The following TEX36 variants were observed in gnomAD, a reference collection of about 807,000 sequenced individuals.
TEX36 encodes the protein testis expressed 36.
Under a neutral mutation model 13.6 loss-of-function variants are expected in TEX36, and 12 were observed. The ratio of observed to expected loss-of-function variants is 0.88; its 90% CI spans 0.56 to 1.43. TEX36 has a LOEUF of 1.43. Among genes scored for constraint, TEX36 ranks in the 40% most tolerant of loss-of-function variants. TEX36 has a pLI of 0.00. For synonymous variants in TEX36, 93 were observed against 83.0 expected (o/e 1.12, Z -0.65); for missense variants, 224 against 228.3 (o/e 0.98, Z 0.12).
intron 3 of TEX36, among the ~76,000 whole-genome samples, chr10:125,584,406 C>T (rs548500793): frequency 1.5e-4 from 23 of 152,334 alleles, no homozygotes; most frequent in Non-Finnish European, 2.6e-4. Context: ...AAATAATCCT[C>T]GTAATCCTAC....
At chr10:125,679,028 A>G (rs1345552754) in intron 1 of TEX36, among the ~76,000 whole-genome samples, 1 of 151,876 alleles carries the variant, frequency 6.6e-6, no homozygotes, top group African/African-American at 2.4e-5. Context: ...GGGCTGGTGC[A>G]TGGGGAACAC....
intron 3 of TEX36, among the ~76,000 whole-genome samples, chr10:125,587,514 C>T (rs373862944): frequency 6.6e-6 from 1 of 152,066 alleles, no homozygotes; most frequent in South Asian, 2.1e-4. Flanking sequence ...ACAGGCCAGA[C>T]CAGTGGCTCA....
chr10:125,652,287 A>T (rs1846873432), downstream of TEX36, among the ~76,000 whole-genome samples: 1 of 152,202 alleles, frequency 6.6e-6, no homozygotes, highest in Admixed American at 6.5e-5. Flanking sequence ...ACCAAAACAG[A>T]GATATAGACC....
chr10:125,625,574 A>G (rs546135416), intron 3 of TEX36, among the ~76,000 whole-genome samples: 58 of 152,388 alleles, frequency 3.8e-4, no homozygotes, highest in African/African-American at 1.3e-3. Flanking sequence ...TAAGAGGCAG[A>G]CTGGAAGGTG....
intron 1 of TEX36, among the ~76,000 whole-genome samples, chr10:125,663,884 T>A (rs1847084503): frequency 6.6e-6 from 1 of 152,208 alleles, no homozygotes; most frequent in East Asian, 1.9e-4. Flanking sequence ...TAGTTTAAAA[T>A]GTACAATAGA....
At chr10:125,624,855 C>T (rs1432957771) in intron 3 of TEX36, among the ~76,000 whole-genome samples, 2 of 152,002 alleles carry the variant, frequency 1.3e-5, no homozygotes, top group Non-Finnish European at 2.9e-5. Flanking sequence ...CACCTAAGAA[C>T]AAGCCATCTT....
At chr10:125,582,930 C>T (rs906071998) in intron 3 of TEX36, among the ~76,000 whole-genome samples, 26 of 152,042 alleles carry the variant, frequency 1.7e-4, no homozygotes, top group African/African-American at 6.0e-4. Flanking sequence ...AGTTGTATTC[C>T]ATGGAGATCT....
chr10:125,667,975 T>C, intron 1 of TEX36: 1 of 838,888 alleles, frequency 1.2e-6, no homozygotes, highest in Non-Finnish European at 2.1e-6. Flanking sequence ...CAAGTTCCAG[T>C]GCTTCAAAGG....
chr10:125,628,752 A>AT (rs1846517771), intron 3 of TEX36, among the ~76,000 whole-genome samples: 1 of 152,182 alleles, frequency 6.6e-6, no homozygotes, highest in East Asian at 1.9e-4. Flanking sequence ...AAGCTGGGGG[A>AT]TAAAAAGTAA....
intron 3 of TEX36, among the ~76,000 whole-genome samples, chr10:125,610,892 C>A (rs1014545097): frequency 6.6e-6 from 1 of 152,078 alleles, no homozygotes; most frequent in African/African-American, 2.4e-5. Context: ...AATCAATTAT[C>A]CCAGTGTGGT....
intron 3 of TEX36, among the ~76,000 whole-genome samples, chr10:125,580,211 AG>A (rs1298325379): frequency 3.9e-5 from 6 of 152,234 alleles, no homozygotes; most frequent in African/African-American, 1.4e-4. Flanking sequence ...AAACCATGAA[AG>A]GATCCCTTTA....
chr10:125,669,260 C>T (rs1453302222), intron 1 of TEX36, among the ~76,000 whole-genome samples: 1 of 151,910 alleles, frequency 6.6e-6, no homozygotes, highest in African/African-American at 2.4e-5. Flanking sequence ...CACTGCCCTC[C>T]AGCCTGGAAA....
chr10:125,576,811 C>T (rs1266062607), exon 4 of TEX36: 1 of 1,536,018 alleles, frequency 6.5e-7, no homozygotes, highest in Non-Finnish European at 8.7e-7. Flanking sequence ...TGGGTCCTCA[C>T]CGGCTCATAG....
At chr10:125,612,029 A>C (rs1846295671) in intron 3 of TEX36, among the ~76,000 whole-genome samples, 1 of 151,016 alleles carries the variant, frequency 6.6e-6, no homozygotes, top group Non-Finnish European at 1.5e-5. Flanking sequence ...CCTCATGAAG[A>C]GGGCAGCACT....
rs536864602 is a variant in TEX36, at chr10:125,609,535, TCTC to T, written c.265-32664_265-32662del. Reference sequence around the variant, plus strand: ...AGGAAAACCTCCCATGCGGGATCCTTCTCCTTCTTTTCTTTTTCCAGCTGCTTA... The same window carrying T: ...AGGAAAACCTCCCATGCGGGATCCTTCTTCTTTTCTTTTTCCAGCTGCTTA... On this transcript the variant is annotated intron_variant, in intron 3 of 3. Coordinates refer to the TEX36 transcript ENST00000532135. 3.1e-3 allele frequency among the ~76,000 whole-genome samples: 466 copies of T among 152,278 alleles called. 3 individuals are homozygous for T. The highest frequency in any genetic ancestry group is 0.01 in the African/African-American group (434 of 41,556).
intron 3 of TEX36, among the ~76,000 whole-genome samples, chr10:125,612,089 CTTT>C (rs1221864951): frequency 7.3e-6 from 1 of 136,780 alleles, no homozygotes. Flanking sequence ...TTTTCTTTTT[CTTT>C]TTTTTTTTTT....
chr10:125,629,097 G>A (rs887374730), intron 3 of TEX36, among the ~76,000 whole-genome samples: 1 of 152,106 alleles, frequency 6.6e-6, no homozygotes, highest in South Asian at 2.1e-4. Context: ...ATTTGTGCAG[G>A]GCAAATTGCA....
At chr10:125,600,625 A>G (rs988097470) in intron 3 of TEX36, among the ~76,000 whole-genome samples, 6 of 152,218 alleles carry the variant, frequency 3.9e-5, no homozygotes, top group African/African-American at 1.4e-4. Flanking sequence ...CAGTCAAGTC[A>G]CTTGCTGAGG....
chr10:125,615,974 C>T (rs1049744389), intron 3 of TEX36, among the ~76,000 whole-genome samples: 2 of 152,132 alleles, frequency 1.3e-5, no homozygotes, highest in Admixed American at 6.5e-5. Context: ...TGTTATTGGT[C>T]TATTCAGAGA....
Sources: gnomAD v4.1 joint callset for allele counts (sites outside exome capture counted in the v4.1 genomes callset) on GRCh38, gnomAD v4.1.1 for gene constraint, MANE v1.5 for transcripts, NCBI Gene and HGNC (gene_info 2026-07-23, HGNC 2026-07-21) for gene names.